SPG11: variants seen among roughly 807,000 people sequenced by gnomAD.
SPG11 encodes the protein SPG11 vesicle trafficking associated, spatacsin, also known as spatacsin.
SPG11 carries 222 observed loss-of-function variants against 274.0 expected under a neutral mutation model. The ratio of observed to expected loss-of-function variants is 0.81; its 90% CI spans 0.73 to 0.91. The LOEUF is 0.91. Ranked by LOEUF, SPG11 falls within the 40% of genes least tolerant of loss-of-function variation. The pLI is 0.00. For missense variants in SPG11, 3,114 were observed against 2,872.7 expected, an observed-to-expected ratio of 1.08 and a Z score of -1.92; for synonymous variants, 1,144 against 1,039.7, an observed-to-expected ratio of 1.10 and a Z score of -1.93.
rs2083975331 is a variant in SPG11, at chr15:44,628,804, A to G, written c.1932T>C (p.Thr644=). The G allele has an allele frequency of 1.2e-6, 2 of 1,613,648 alleles. No individual in the cohort carries two copies. The highest frequency in any genetic ancestry group is 1.7e-6 in the Non-Finnish European group (2 of 1,179,958). Residue 644 remains threonine, a synonymous_variant, in exon 10 of 40, where the codon ACT becomes ACC. Transcript: ENST00000261866. ...EHLQKGVNIL[T]SYINELRTFM... is the part of the protein sequence containing the mutation. ...AGGTTCGAAGTTCATTAATGTAGCT[A>G]GTCAAAATGTTCACTCCTTTTTGCA...
At position 44,659,082 on chromosome 15, in the gene SPG11, T is replaced by C. The variant is rs778932218; in HGVS notation, c.664A>G (p.Ile222Val). 6 of 1,613,886 alleles carry C rather than the reference T, an allele frequency of 3.7e-6. No individual in the cohort carries two copies. Among genetic ancestry groups the C allele is most frequent in the Non-Finnish European group, 5.1e-6 (6 of 1,179,886 alleles). Reference sequence around the variant, plus strand: ...ACACTTCTACCACCAAGGATACAGATCCAGCCTAAACTACTCAAAACAAAA... The same window carrying C: ...ACACTTCTACCACCAAGGATACAGACCCAGCCTAAACTACTCAAAACAAAA... The part of the protein sequence containing the change: ...ILFVLSSLGW[I>V]YIFDVVDGTY... Residue 222 changes from isoleucine to valine, a missense_variant, in exon 3 of 40, where the codon ATC (isoleucine) becomes GTC (valine). Coordinates refer to ENST00000261866, the MANE Select transcript of SPG11 (RefSeq NM_025137.4).
At position 44,628,861 on chromosome 15, in the gene SPG11, T is replaced by C; in HGVS notation, c.1892-17A>G. On this transcript the variant is annotated splice_polypyrimidine_tract_variant and intron_variant, in intron 9 of 39. Transcript: ENST00000261866. The stretch of plus-strand genomic sequence containing the variant: ...CATCTAGTTCTATGGAAAATACCAA[T>C]GTGCCAATTTGTGTGTGTGTGTGTA... 8 of 1,607,486 alleles carry C rather than the reference T, an allele frequency of 5.0e-6. No individual in the cohort carries two copies. Among genetic ancestry groups the C allele is most frequent in the Non-Finnish European group, 6.8e-6 (8 of 1,175,942 alleles).
intron 10 of SPG11, among the ~76,000 whole-genome samples, chr15:44,627,063 T>C (rs925556624): frequency 6.6e-5 from 10 of 152,172 alleles, no homozygotes; most frequent in Non-Finnish European, 1.5e-4. Flanking sequence ...TCCATCATCA[T>C]GAGCCTTGCG....
intron 7 of SPG11, among the ~76,000 whole-genome samples, chr15:44,646,873 A>G (rs2141093604): frequency 6.6e-6 from 1 of 152,302 alleles, no homozygotes; most frequent in South Asian, 2.1e-4. Context: ...CCTATCAGGT[A>G]CTATGCTTAT....
intron 6 of SPG11, among the ~76,000 whole-genome samples, chr15:44,651,055 T>C (rs2084759970): frequency 6.6e-6 from 1 of 152,208 alleles, no homozygotes; most frequent in Non-Finnish European, 1.5e-5. Context: ...GCAGATCTTA[T>C]AATTTTTCAG....
chr15:44,621,479 A>G (rs2083748984), intron 14 of SPG11: 1 of 414,904 alleles, frequency 2.4e-6, no homozygotes, highest in Non-Finnish European at 4.5e-6. Flanking sequence ...AAGAAGCTCA[A>G]GACTATTTGA....
chr15:44,623,746 G>A (rs1291748707), intron 11 of SPG11, among the ~76,000 whole-genome samples: 1 of 152,008 alleles, frequency 6.6e-6, no homozygotes, highest in African/African-American at 2.4e-5. Context: ...GTCTAACAGA[G>A]TACTTTTCTT....
intron 18 of SPG11, among the ~76,000 whole-genome samples, chr15:44,610,389 TTTC>T (rs1567161016): frequency 6.6e-6 from 1 of 151,948 alleles, no homozygotes; most frequent in African/African-American, 2.4e-5. Flanking sequence ...ATAAATTTCT[TTTC>T]TTTTTTTTGA....
At chr15:44,568,196 T>G (rs188218024) in intron 35 of SPG11, among the ~76,000 whole-genome samples, 48 of 152,366 alleles carry the variant, frequency 3.2e-4, no homozygotes, top group Admixed American at 3.1e-3. Flanking sequence ...GGGCTTTTTC[T>G]GTGTTGTTCT....
At chr15:44,632,762 G>A (rs1300985386) in intron 8 of SPG11, among the ~76,000 whole-genome samples, 3 of 151,964 alleles carry the variant, frequency 2.0e-5, no homozygotes, top group Admixed American at 6.6e-5. Context: ...TCCCACCTTG[G>A]CCCCTAAAGT....
intron 27 of SPG11, among the ~76,000 whole-genome samples, chr15:44,592,110 CAAA>C (rs1198260134): frequency 5.4e-5 from 5 of 91,850 alleles, no homozygotes; most frequent in African/African-American, 4.2e-5. Flanking sequence ...GACACTGTCT[CAAA>C]AAAAAAAAAA....
At chr15:44,657,398 T>C in intron 3 of SPG11, 102 bp from the exon 4 acceptor site, 3 of 1,076,626 alleles carry the variant, frequency 2.8e-6, no homozygotes, top group South Asian at 1.3e-5. Context: ...TCCAATTTTG[T>C]AGGTATAACA....
intron 28 of SPG11, among the ~76,000 whole-genome samples, chr15:44,587,549 G>A (rs1369833034): frequency 6.6e-6 from 1 of 151,926 alleles, no homozygotes; most frequent in Non-Finnish European, 1.5e-5. Context: ...AATTAGCCAG[G>A]TGTGGTGGTG....
chr15:44,590,626 T>G (rs2082879099), intron 27 of SPG11: 1 of 152,178 alleles, frequency 6.6e-6, no homozygotes, highest in Non-Finnish European at 1.5e-5. Context: ...TCTTGCTTCG[T>G]ATTATTTTTG....
intron 7 of SPG11, among the ~76,000 whole-genome samples, chr15:44,637,246 A>G (rs1164280236): frequency 1.3e-5 from 2 of 152,204 alleles, no homozygotes; most frequent in Non-Finnish European, 2.9e-5. Flanking sequence ...AGAAGGATTG[A>G]GCAAAGTGTC....
chr15:44,622,755 T>C lies in SPG11; in HGVS notation c.2289A>G (p.Thr763=), dbSNP rs1555455866. The C allele has an allele frequency of 6.2e-7, 1 of 1,613,770 alleles. No homozygotes were observed. Among genetic ancestry groups the C allele is most frequent in the Non-Finnish European group, 8.5e-7 (1 of 1,179,798 alleles). Reference sequence around the variant, plus strand: ...AAAAGTCACGTATATTTTTATTAGTTGTATAGAAGCAGATCTTGAGCAATT... The same window carrying C: ...AAAAGTCACGTATATTTTTATTAGTCGTATAGAAGCAGATCTTGAGCAATT... ...KGQLLKICFY[T]TNKNIRDFLV... The change falls in exon 12 of 40, where the codon ACA becomes ACG. Residue 763 remains threonine (T), a synonymous_variant. Transcript: ENST00000261866.
intron 9 of SPG11, 25 bp downstream of exon 9, chr15:44,629,208 C>A (rs374314426): frequency 1.2e-6 from 2 of 1,612,280 alleles, no homozygotes; most frequent in Non-Finnish European, 1.7e-6. Context: ...AGTAGAATTG[C>A]CCCCTTCCTA....
At position 44,645,348 on chromosome 15, in the gene SPG11, G is replaced by C. The variant is rs143571353; in HGVS notation, c.1602+3518C>G. The stretch of plus-strand genomic sequence containing the variant: ...CAGCCATCTGGTTTTCCACAAAGTT[G>C]ACAAAAACAAACAATGGGCAAAGAA... On this transcript the variant is annotated intron_variant, in intron 7 of 39. Transcript: ENST00000261866. Among the ~76,000 whole-genome samples the C allele has an allele frequency of 4.3e-3, 650 of 152,262 alleles. 4 individuals carry two copies. The highest frequency in any genetic ancestry group is 0.015 in the African/African-American group (629 of 41,554).
intron 32 of SPG11, 151 bp from the exon 33 acceptor site, chr15:44,572,971 A>G (rs2082453905): frequency 1.8e-6 from 1 of 558,576 alleles, no homozygotes. Context: ...ATTTTATAGG[A>G]CAGGAGTTCT....
Sources: allele counts gnomAD v4.1 joint callset (sites outside exome capture counted in the v4.1 genomes callset), GRCh38; gene constraint gnomAD v4.1.1; transcripts MANE v1.5; gene names NCBI Gene and HGNC (gene_info 2026-07-23, HGNC 2026-07-21).